PHACTR3: variants seen among roughly 807,000 people sequenced by gnomAD.
PHACTR3 encodes the protein protein phosphatase 1, regulatory subunit 123.
PHACTR3 carries 16 observed loss-of-function variants against 66.8 expected under a neutral mutation model. The observed-to-expected ratio is 0.24, with a 90% CI of 0.16 to 0.36. PHACTR3 has a LOEUF of 0.36. Ranked by LOEUF, PHACTR3 falls within the 10% of genes least tolerant of loss-of-function variation. The pLI is 1.00. For missense variants in PHACTR3, 647 were observed against 719.9 expected, an observed-to-expected ratio of 0.90 and a Z score of 1.16; for synonymous variants, 323 against 292.1, an observed-to-expected ratio of 1.11 and a Z score of -1.08.
chr20:59,677,917 G>T (rs1167598122), intron 1 of PHACTR3, among the ~76,000 whole-genome samples: 3 of 152,168 alleles, frequency 2.0e-5, no homozygotes, highest in Non-Finnish European at 4.4e-5. Context: ...CAGTCCCAGA[G>T]CCACCATTTC....
Position 59,847,197 on chromosome 20 carries a change from C to T in PHACTR3, c.*67C>T. On this transcript the variant is annotated 3_prime_UTR_variant, in exon 13 of 13. Transcript: ENST00000371015. ...CCAACACTGAACATTCATCAGGGAA[C>T]TTTCCTGAAGTTCAGCTCAAGACTA... The T allele has an allele frequency of 8.0e-7, 1 of 1,251,180 alleles. No individual in the cohort carries two copies. Among genetic ancestry groups the T allele is most frequent in the South Asian group, 1.3e-5 (1 of 76,458 alleles). The allele number at this position is 1,251,180 out of a possible 1,614,324, so 77.5% of individuals were successfully genotyped here.
upstream of PHACTR3, among the ~76,000 whole-genome samples, chr20:59,601,527 C>T (rs907829994): frequency 1.3e-5 from 2 of 152,138 alleles, no homozygotes; most frequent in Non-Finnish European, 2.9e-5. Flanking sequence ...TGTTGTGGGC[C>T]CTCAAGGCTG....
At chr20:59,713,945 C>T (rs917296614) in intron 1 of PHACTR3, among the ~76,000 whole-genome samples, 2 of 152,134 alleles carry the variant, frequency 1.3e-5, no homozygotes, top group African/African-American at 2.4e-5. Context: ...CAATTTTAGA[C>T]ATCATGATAC....
At chr20:59,715,186 C>A (rs1601169769) in intron 1 of PHACTR3, among the ~76,000 whole-genome samples, 1 of 151,912 alleles carries the variant, frequency 6.6e-6, no homozygotes, top group African/African-American at 2.4e-5. Context: ...TAAATAAAGA[C>A]CTTCTTGTCT....
chr20:59,583,201 A>G (rs2032912178), intron 1 of PHACTR3, among the ~76,000 whole-genome samples: 1 of 152,190 alleles, frequency 6.6e-6, no homozygotes, highest in Non-Finnish European at 1.5e-5. Flanking sequence ...GGTAGAATGC[A>G]GGGTTTTAAT....
At chr20:59,667,869 C>T (rs1210376827) in intron 1 of PHACTR3, among the ~76,000 whole-genome samples, 2 of 152,302 alleles carry the variant, frequency 1.3e-5, no homozygotes, top group South Asian at 2.1e-4. Context: ...CTCATGCTTC[C>T]GAGTTAAAAC....
At chr20:59,698,254 A>G (rs1162644388) in intron 1 of PHACTR3, among the ~76,000 whole-genome samples, 2 of 152,180 alleles carry the variant, frequency 1.3e-5, no homozygotes. Context: ...ACAAAATAAT[A>G]TCATATATAG....
rs1436192063 is a variant in PHACTR3 at position 59,605,036 on chromosome 20, A to G, written c.22A>G (p.Ser8Gly). The G allele has an allele frequency of 1.5e-6, 2 of 1,358,544 alleles. No individual in the cohort carries two copies. Among genetic ancestry groups the G allele is most frequent in the Non-Finnish European group, 1.9e-6 (2 of 1,047,494 alleles). The allele number at this position is 1,358,544 out of a possible 1,614,324, so 84.2% of individuals were successfully genotyped here. A position where few individuals can be genotyped will look rare whatever the true frequency, so the allele number is the denominator to read the frequency against. MAASEDG[S>G]GCLVSRGRSQ... is the part of the protein sequence containing the mutation. ...GCCCATGGCCGCGTCGGAGGACGGG[A>G]GCGGCTGCCTCGTGTCGCGGGGCCG... Residue 8 changes from serine (S) to glycine (G), a missense_variant, in exon 1 of 13, where the codon AGC becomes GGC. Physicochemically the swap from Ser to Gly is moderately conservative, Grantham distance 56. This residue lies in a region of PHACTR3 where 577 missense variants were observed against 571.1 expected (regional missense o/e 1.01). Transcript: ENST00000371015.
chr20:59,755,062 G>C (rs2039735428), intron 3 of PHACTR3, 120 bp from the exon 4 acceptor site: 2 of 970,890 alleles, frequency 2.1e-6, no homozygotes, highest in Non-Finnish European at 3.0e-6. Flanking sequence ...TGGTGAGGGG[G>C]AGAGGGGTGG....
chr20:59,821,809 G>T (rs1186816368), intron 8 of PHACTR3, among the ~76,000 whole-genome samples: 1 of 151,972 alleles, frequency 6.6e-6, no homozygotes, highest in African/African-American at 2.4e-5. Flanking sequence ...GGAGAGCACC[G>T]CCGGGGAATT....
chr20:59,780,198 C>T (rs1363277797), intron 7 of PHACTR3, among the ~76,000 whole-genome samples: 1 of 152,178 alleles, frequency 6.6e-6, no homozygotes, highest in Non-Finnish European at 1.5e-5. Context: ...CTGCAGACAG[C>T]TTCTCCCAGG....
intron 8 of PHACTR3, 119 bp from the exon 9 acceptor site, chr20:59,836,386 T>A (rs2426849): frequency 1.2e-6 from 1 of 839,126 alleles, no homozygotes; most frequent in Non-Finnish European, 1.8e-6. Flanking sequence ...TTTCTCTCCT[T>A]CCAATTTTGG....
At chr20:59,827,047 C>T (rs1415973693) in intron 8 of PHACTR3, among the ~76,000 whole-genome samples, 1 of 152,172 alleles carries the variant, frequency 6.6e-6, no homozygotes, top group Non-Finnish European at 1.5e-5. Context: ...GGTGATTCCT[C>T]AGTACCTCTG....
At chr20:59,619,736 C>T (rs1018099709) in intron 1 of PHACTR3, among the ~76,000 whole-genome samples, 7 of 152,106 alleles carry the variant, frequency 4.6e-5, no homozygotes, top group African/African-American at 1.2e-4. Flanking sequence ...AAAACTAATA[C>T]GGGGAGGGAA....
chr20:59,755,055 T>A, intron 3 of PHACTR3, 127 bp from the exon 4 acceptor site: 1 of 886,174 alleles, frequency 1.1e-6, no homozygotes, highest in Non-Finnish European at 1.7e-6. Flanking sequence ...GGGTGTGTGG[T>A]GAGGGGGAGA....
chr20:59,799,919 C>T (rs968485921), intron 7 of PHACTR3, among the ~76,000 whole-genome samples: 1 of 152,032 alleles, frequency 6.6e-6, no homozygotes, highest in East Asian at 1.9e-4. Context: ...TTCTTTTATT[C>T]CACTTTATCT....
chr20:59,595,418 C>T (rs112640362), intron 1 of PHACTR3, among the ~76,000 whole-genome samples: 3,384 of 152,154 alleles, frequency 0.022, 57 homozygotes, highest in Middle Eastern at 0.041. Flanking sequence ...GCCGAGATTG[C>T]GCCACTGCAC....
chr20:59,605,064 C>T lies in PHACTR3; in HGVS notation c.50C>T (p.Ser17Leu), dbSNP rs2033610561. 1.4e-6 allele frequency: 2 copies of T among 1,413,758 alleles called. No individual in the cohort carries two copies. The highest frequency in any genetic ancestry group is 1.5e-5 in the African/African-American group (1 of 66,742). The allele number at this position is 1,413,758 out of a possible 1,614,324, so 87.6% of individuals were successfully genotyped here. The change falls in exon 1 of 13, where the codon TCG becomes TTG. Residue 17 changes from serine to leucine, a missense_variant. Around this residue, in one of 2 missense-constraint regions of PHACTR3, gnomAD observed 577 missense variants for 571.1 expected, o/e 1.01. Transcript: ENST00000371015. ...GGCTGCCTCGTGTCGCGGGGCCGCT[C>T]GCAGAGTGACCCCAGCGTCCTCACC... ...GSGCLVSRGRSQSDPSVLTDS... is the reference protein window; with the variant it reads ...GSGCLVSRGRLQSDPSVLTDS...
chr20:59,741,466 G>A (rs780955618), intron 1 of PHACTR3, among the ~76,000 whole-genome samples: 3 of 152,232 alleles, frequency 2.0e-5, no homozygotes, highest in African/African-American at 4.8e-5. Flanking sequence ...CAGAAGAAAC[G>A]TCCCTTCCCT....
Sources: allele counts gnomAD v4.1 joint callset (sites outside exome capture counted in the v4.1 genomes callset), GRCh38; gene constraint gnomAD v4.1.1; regional missense constraint gnomAD v4.1.1; transcripts MANE v1.5; gene names NCBI Gene and HGNC (gene_info 2026-07-23, HGNC 2026-07-21).